The following DMD variants were observed in gnomAD, a reference collection of about 807,000 sequenced individuals.
DMD encodes the protein dystrophin, also known as mutant dystrophin.
Under a neutral mutation model 330.1 loss-of-function variants are expected in DMD, and 63 were observed. That is an observed-to-expected ratio of 0.19 (90% CI 0.16 to 0.24). The LOEUF (loss-of-function observed/expected upper bound fraction) is 0.24. Ranked by LOEUF, DMD falls within the 10% of genes least tolerant of loss-of-function variation. The pLI is 1.00. For synonymous variants in DMD, 1,223 were observed against 959.8 expected, an observed-to-expected ratio of 1.27 and a Z score of -5.07; for missense variants, 3,344 against 2,684.1, an observed-to-expected ratio of 1.25 and a Z score of -5.43.
In DMD at chrX:32,394,925, A is replaced by AAAAACAAAC. The variant is rs1343477696; in HGVS notation, c.4234-4745_4234-4744insGTTTGTTTT. Among the ~76,000 whole-genome samples, 201 of 95,649 alleles carry AAAAACAAAC rather than the reference A, an allele frequency of 2.1e-3. 4 individuals are homozygous for AAAAACAAAC. In the East Asian group the frequency reaches 0.042, roughly 20 times the overall value. 83.1% of individuals were successfully genotyped at this position (95,649 alleles called of 115,157 possible). ...GCAAAAAACAAAAAAACAAAAAAAA[A>AAAAACAAAC]AAAAAAAAGAAAAGAAATCATCATC... On this transcript the variant is annotated intron_variant, in intron 30 of 78. Transcript: ENST00000357033.
chrX:32,470,540 C>G (rs945982304), intron 22 of DMD, among the ~76,000 whole-genome samples: 2 of 110,981 alleles, frequency 1.8e-5, no homozygotes, highest in African/African-American at 6.5e-5. Flanking sequence ...GAAATAGTCT[C>G]TTCTGCTCAT....
At chrX:32,055,388 C>T (rs1183732321) in intron 44 of DMD, among the ~76,000 whole-genome samples, 2 of 111,792 alleles carry the variant, frequency 1.8e-5, no homozygotes, top group Admixed American at 9.4e-5. Context: ...TTTATAGTAA[C>T]AGATTCAAAA....
chrX:32,876,645 T>TAG (rs774666657), intron 2 of DMD, among the ~76,000 whole-genome samples: 1 of 112,358 alleles, frequency 8.9e-6, no homozygotes, highest in South Asian at 3.7e-4. Flanking sequence ...GAAGTTGTTG[T>TAG]AGGTTTCCTC....
intron 60 of DMD, among the ~76,000 whole-genome samples, chrX:31,411,408 T>G (rs7881600): frequency 0.041 from 4,563 of 111,633 alleles, 127 homozygotes; most frequent in East Asian, 0.15. Flanking sequence ...CACCGCTATG[T>G]TCAAAAGTAC....
At chrX:32,645,278 G>A in intron 9 of DMD, 126 bp from the exon 10 acceptor site, 1 of 708,875 alleles carries the variant, frequency 1.4e-6, no homozygotes, top group South Asian at 2.8e-5. Flanking sequence ...ATCAAACACA[G>A]GAACAGCAGA....
At chrX:32,316,553 A>G (rs2097583099) in intron 41 of DMD, among the ~76,000 whole-genome samples, 1 of 111,641 alleles carries the variant, frequency 9.0e-6, no homozygotes, top group Non-Finnish European at 1.9e-5. Context: ...TCAGCTGACT[A>G]GAGAAAACTA....
At chrX:32,167,763 T>C (rs999691873) in intron 44 of DMD, among the ~76,000 whole-genome samples, 2 of 111,906 alleles carry the variant, frequency 1.8e-5, no homozygotes, top group African/African-American at 3.2e-5. Context: ...AGCCTATCCA[T>C]CTATGATGTT....
chrX:31,456,836 A>ATGTGTGTG lies in DMD; in HGVS notation c.8938-12217_8938-12210dup, dbSNP rs5901988. Among the ~76,000 whole-genome samples, 689 of 83,193 alleles carry ATGTGTGTG rather than the reference A, an allele frequency of 8.3e-3. 7 individuals are homozygous for ATGTGTGTG. The highest frequency in any genetic ancestry group is 0.02 in the African/African-American group (428 of 21,411). The allele number at this position is 83,193 out of a possible 115,157, so 72.2% of individuals were successfully genotyped here. On this transcript the variant is annotated intron_variant, in intron 59 of 78. Transcript: ENST00000357033. ...TCCACTAGATACTGTGCCCACATATATGTGTGTGTGTGTGTGTGTGTGTGT... is the reference window on the plus strand; with the variant it reads ...TCCACTAGATACTGTGCCCACATATATGTGTGTGTGTGTGTGTGTGTGTGTGTGTGTGT...
At chrX:31,549,938 C>T (rs1220192178) in intron 55 of DMD, among the ~76,000 whole-genome samples, 1 of 112,447 alleles carries the variant, frequency 8.9e-6, no homozygotes, top group Non-Finnish European at 1.9e-5. Context: ...TTGTTTAACA[C>T]AGAAACCACA....
At chrX:31,284,824 A>AC in intron 62 of DMD, among the ~76,000 whole-genome samples, 1 of 77,035 alleles carries the variant, frequency 1.3e-5, no homozygotes, top group South Asian at 5.1e-4. Context: ...CTAATGGCTT[A>AC]AACACACACA....
intron 47 of DMD, among the ~76,000 whole-genome samples, chrX:31,888,365 C>T (rs971179470): frequency 3.6e-5 from 4 of 111,253 alleles, no homozygotes; most frequent in Non-Finnish European, 5.7e-5. Context: ...TGTATGGCTA[C>T]GTGTAAGTCT....
At chrX:32,337,527 G>C (rs757788466) in intron 41 of DMD, among the ~76,000 whole-genome samples, 4 of 108,717 alleles carry the variant, frequency 3.7e-5, no homozygotes, top group Non-Finnish European at 5.7e-5. Flanking sequence ...GTATTTTTTT[G>C]CTGCTGTTCT....
chrX:32,885,321 A>T (rs1403392446), intron 2 of DMD, among the ~76,000 whole-genome samples: 1 of 111,620 alleles, frequency 9.0e-6, no homozygotes, highest in African/African-American at 3.3e-5. Context: ...CTATGGCTAG[A>T]TTCAAAATAT....
At chrX:31,684,094 T>C (rs2082541475) in intron 52 of DMD, among the ~76,000 whole-genome samples, 2 of 112,018 alleles carry the variant, frequency 1.8e-5, no homozygotes, top group South Asian at 3.7e-4. Context: ...AAAGTATCCA[T>C]TGGCTTTGGC....
intron 19 of DMD, among the ~76,000 whole-genome samples, chrX:32,496,478 A>C (rs1348735761): frequency 8.9e-6 from 1 of 112,150 alleles, no homozygotes; most frequent in Non-Finnish European, 1.9e-5. Flanking sequence ...GTATATATAA[A>C]AGTAATACCC....
intron 1 of DMD, among the ~76,000 whole-genome samples, chrX:33,044,592 C>T (rs764964201): frequency 5.4e-5 from 6 of 112,010 alleles, no homozygotes; most frequent in Middle Eastern, 4.6e-3. Context: ...TCTTACCTGA[C>T]GATGGAGTGC....
At chrX:32,426,406 G>A (rs1419430233) in intron 29 of DMD, among the ~76,000 whole-genome samples, 1 of 111,816 alleles carries the variant, frequency 8.9e-6, no homozygotes, top group Non-Finnish European at 1.9e-5. Flanking sequence ...CATTAGAGAA[G>A]TGCACATTAA....
At chrX:31,492,223 C>T (rs2069375147) in intron 57 of DMD, among the ~76,000 whole-genome samples, 1 of 112,528 alleles carries the variant, frequency 8.9e-6, no homozygotes, top group Admixed American at 9.4e-5. Flanking sequence ...AATATAAGAT[C>T]TGTCAACTAT....
intron 7 of DMD, among the ~76,000 whole-genome samples, chrX:32,710,631 C>A (rs760825238): frequency 2.7e-5 from 3 of 110,815 alleles, no homozygotes; most frequent in Non-Finnish European, 5.7e-5. Context: ...TAGCACCGTG[C>A]TTTACAAAAA....
Sources: gnomAD v4.1 joint callset for allele counts (sites outside exome capture counted in the v4.1 genomes callset) on GRCh38, gnomAD v4.1.1 for gene constraint, MANE v1.5 for transcripts, NCBI Gene and HGNC (gene_info 2026-07-23, HGNC 2026-07-21) for gene names.